The following GLIS3 variants were observed in gnomAD, a reference collection of about 807,000 sequenced individuals.
GLIS3 encodes the protein zinc finger protein GLIS3.
In GLIS3, 53 loss-of-function variants were observed where a neutral mutation model predicts 78.6. That is an observed-to-expected ratio of 0.67 (90% CI 0.54 to 0.85). The LOEUF (loss-of-function observed/expected upper bound fraction) is 0.85. GLIS3 is among the 40% of genes least tolerant of loss of function. The pLI, the probability that GLIS3 is intolerant of heterozygous loss-of-function variation, is 0.00. For missense variants in GLIS3, 1,703 were observed against 1,231.1 expected, an observed-to-expected ratio of 1.38 and a Z score of -5.74; for synonymous variants, 684 against 509.9, an observed-to-expected ratio of 1.34 and a Z score of -4.60.
At chr9:4,221,182 G>C (rs568504123) in intron 2 of GLIS3, among the ~76,000 whole-genome samples, 1 of 152,102 alleles carries the variant, frequency 6.6e-6, no homozygotes, top group Non-Finnish European at 1.5e-5. Flanking sequence ...TACATGCATA[G>C]GTAAAAACTC....
At chr9:4,392,195 G>A in the GLIS3 span, among the ~76,000 whole-genome samples, 1 of 151,718 alleles carries the variant, frequency 6.6e-6, no homozygotes, top group East Asian at 1.9e-4. Flanking sequence ...AACGATGAGA[G>A]CACATGGACA....
intron 4 of GLIS3, among the ~76,000 whole-genome samples, chr9:4,055,635 C>T (rs983157277): frequency 6.6e-6 from 1 of 152,184 alleles, no homozygotes; most frequent in African/African-American, 2.4e-5. Flanking sequence ...GCTGCATGTT[C>T]AAAGCCCCGC....
At chr9:3,846,684 AT>A (rs1713716135) in intron 9 of GLIS3, among the ~76,000 whole-genome samples, 2 of 152,200 alleles carry the variant, frequency 1.3e-5, no homozygotes, top group Admixed American at 6.5e-5. Flanking sequence ...ATTCCTCACA[AT>A]CCCTCTTCCA....
intron 7 of GLIS3, among the ~76,000 whole-genome samples, chr9:3,880,713 C>G (rs138638227): frequency 5.3e-4 from 81 of 152,266 alleles, no homozygotes; most frequent in African/African-American, 1.8e-3. Context: ...CCCAACCTCT[C>G]CAGGATAGAA....
chr9:4,166,007 C>G (rs971574563), intron 2 of GLIS3, among the ~76,000 whole-genome samples: 3 of 152,158 alleles, frequency 2.0e-5, no homozygotes, highest in African/African-American at 7.2e-5. Flanking sequence ...TTTAACAGGA[C>G]AGGTTCTGAG....
chr9:4,317,128 G>C (rs10974453), intron 2 of GLIS3, among the ~76,000 whole-genome samples: 1 of 152,040 alleles, frequency 6.6e-6, no homozygotes, highest in South Asian at 2.1e-4. Context: ...GAAAAAGAAA[G>C]AATGTATTCA....
At chr9:4,299,303 A>T (rs1307341380) in intron 1 of GLIS3, 118 bp downstream of exon 1, 1 of 152,194 alleles carries the variant, frequency 6.6e-6, no homozygotes, top group Non-Finnish European at 1.5e-5. Flanking sequence ...GGCTCAGCGT[A>T]GAAAACTATT....
chr9:4,276,312 TGGAGG>T (rs1461561933), intron 2 of GLIS3, among the ~76,000 whole-genome samples: 3 of 89,854 alleles, frequency 3.3e-5, no homozygotes, highest in Non-Finnish European at 6.7e-5. Flanking sequence ...GAGAAGAAAA[TGGAGG>T]GGAGGGGAGG....
At chr9:4,280,580 T>G (rs1587287449) in intron 2 of GLIS3, among the ~76,000 whole-genome samples, 1 of 152,176 alleles carries the variant, frequency 6.6e-6, no homozygotes, top group Non-Finnish European at 1.5e-5. Context: ...TAAAAAATGA[T>G]AAATTCAGCG....
rs187292825 is a variant in GLIS3 at position 4,127,309 on chromosome 9, G to C, written c.389-1368C>G. Among the ~76,000 whole-genome samples the C allele has an allele frequency of 7.4e-4, 112 of 152,190 alleles. 1 individual carries two copies. The highest frequency in any genetic ancestry group is 4.4e-5 in the Non-Finnish European group (3 of 67,988). ...TATGACACCTGTGTGCTTAAATTTA[G>C]GCTCTGATATGCCTAGTTTCTTCCT... On this transcript the variant is annotated intron_variant, in intron 2 of 10. Coordinates refer to ENST00000381971, the MANE Select transcript of GLIS3 (RefSeq NM_001042413.2).
At chr9:4,019,224 C>T (rs497374) in intron 4 of GLIS3, among the ~76,000 whole-genome samples, 22,230 of 152,160 alleles carry the variant, frequency 0.15, 2,590 homozygotes, top group African/African-American at 0.32. Context: ...AAAGTTTAAA[C>T]GGTGCTCTCA....
chr9:3,846,499 ATTC>A (rs1187498981), intron 9 of GLIS3, among the ~76,000 whole-genome samples: 1 of 152,222 alleles, frequency 6.6e-6, no homozygotes, highest in Non-Finnish European at 1.5e-5. Context: ...GCATTCTCTC[ATTC>A]TTGTGCCAAG....
At position 4,062,301 on chromosome 9, in the gene GLIS3, C is replaced by T. The variant is rs377392769; in HGVS notation, c.1710+55467G>A. 4.6e-5 allele frequency among the ~76,000 whole-genome samples: 7 copies of T among 152,258 alleles called. No individual in the cohort carries two copies. In the East Asian group the frequency reaches 1.4e-3, roughly 29 times the overall value. ...AAGGTGTTCCTTGAGGACCGACTGT[C>T]AGTTTCCCATATTGAAAATACTGGT... On this transcript the variant is annotated intron_variant, in intron 4 of 10. Transcript: ENST00000381971.
At chr9:4,054,861 T>C (rs1179496833) in intron 4 of GLIS3, among the ~76,000 whole-genome samples, 2 of 151,976 alleles carry the variant, frequency 1.3e-5, no homozygotes, top group East Asian at 1.9e-4. Context: ...CTTTACCACA[T>C]TGGGTTTTCA....
intron 2 of GLIS3, among the ~76,000 whole-genome samples, chr9:4,312,935 C>A (rs1219662837): frequency 6.6e-6 from 1 of 152,216 alleles, no homozygotes. Flanking sequence ...GTAACGTTAG[C>A]CCCACATGCA....
intron 4 of GLIS3, among the ~76,000 whole-genome samples, chr9:4,036,666 A>T (rs1241946353): frequency 6.6e-6 from 1 of 152,204 alleles, no homozygotes; most frequent in East Asian, 1.9e-4. Context: ...ATAGGTGCCC[A>T]GCAAACGGCG....
intron 4 of GLIS3, among the ~76,000 whole-genome samples, chr9:3,955,924 G>A (rs1421892543): frequency 1.3e-5 from 2 of 148,352 alleles, no homozygotes; most frequent in Non-Finnish European, 3.0e-5. Context: ...CAGCTATGGG[G>A]AACCTGAATG....
intron 2 of GLIS3, among the ~76,000 whole-genome samples, chr9:4,190,639 C>G (rs1424910496): frequency 6.6e-6 from 1 of 151,862 alleles, no homozygotes; most frequent in African/African-American, 2.4e-5. Flanking sequence ...CTTCCCCAAT[C>G]TAGCAAGGCA....
At chr9:4,400,837 G>A in the GLIS3 span, among the ~76,000 whole-genome samples, 12 of 152,316 alleles carry the variant, frequency 7.9e-5, no homozygotes, top group African/African-American at 2.6e-4. Flanking sequence ...CTACTGCATT[G>A]AAGGGAATGA....
Sources: allele counts gnomAD v4.1 joint callset (sites outside exome capture counted in the v4.1 genomes callset), GRCh38; gene constraint gnomAD v4.1.1; transcripts MANE v1.5; gene names NCBI Gene and HGNC (gene_info 2026-07-23, HGNC 2026-07-21).